Variants in MYT1L observed in about 807,000 individuals in gnomAD.
The protein encoded by MYT1L is myelin transcription factor 1-like protein.
Under a neutral mutation model 126.7 loss-of-function variants are expected in MYT1L, and 12 were observed. That is an observed-to-expected ratio of 0.09 (90% CI 0.06 to 0.15). MYT1L has a LOEUF of 0.15. Ranked by LOEUF, MYT1L falls within the 10% of genes least tolerant of loss-of-function variation. MYT1L has a pLI of 1.00. For missense variants in MYT1L, 979 were observed against 1,585.2 expected, an observed-to-expected ratio of 0.62 and a Z score of 6.49; for synonymous variants, 541 against 604.2, an observed-to-expected ratio of 0.90 and a Z score of 1.53.
intron 8 of MYT1L, among the ~76,000 whole-genome samples, chr2:1,970,992 C>T (rs2059771877): frequency 6.6e-6 from 1 of 152,078 alleles, no homozygotes; most frequent in African/African-American, 2.4e-5. Context: ...TAACTATGTT[C>T]CTTCTCCTTG....
At chr2:2,327,897 A>G (rs991851852) in intron 1 of MYT1L, among the ~76,000 whole-genome samples, 2 of 152,222 alleles carry the variant, frequency 1.3e-5, no homozygotes, top group Non-Finnish European at 2.9e-5. Flanking sequence ...ACTAAAATAT[A>G]TAACAAGTAA....
intron 2 of MYT1L, among the ~76,000 whole-genome samples, chr2:2,274,434 T>C (rs2095321684): frequency 6.6e-6 from 1 of 152,064 alleles, no homozygotes; most frequent in African/African-American, 2.4e-5. Context: ...GTCATTGGAA[T>C]TTACTTACAA....
intron 9 of MYT1L, among the ~76,000 whole-genome samples, chr2:1,926,591 C>T (rs2054260959): frequency 6.6e-6 from 1 of 152,200 alleles, no homozygotes; most frequent in Non-Finnish European, 1.5e-5. Flanking sequence ...GAGATGGAGT[C>T]TCACTCTGTC....
intron 3 of MYT1L, among the ~76,000 whole-genome samples, chr2:2,126,151 T>C (rs1344472744): frequency 1.3e-5 from 2 of 152,164 alleles, no homozygotes; most frequent in Non-Finnish European, 2.9e-5. Flanking sequence ...AGGGTCCCTG[T>C]GTTTACCTGG....
intron 1 of MYT1L, among the ~76,000 whole-genome samples, chr2:2,296,210 G>A (rs532007445): frequency 1.3e-5 from 2 of 152,288 alleles, no homozygotes; most frequent in East Asian, 3.9e-4. Context: ...ACTTCCTCCT[G>A]TCACTGCTCC....
In MYT1L at chr2:2,237,673, G is replaced by A. The variant is rs1862111; in HGVS notation, c.-421+46731C>T. Among the ~76,000 whole-genome samples, 11 of 152,246 alleles carry A rather than the reference G, an allele frequency of 7.2e-5. No homozygotes were observed. The East Asian group carries it at 1.4e-3, about 19-fold the overall frequency. On this transcript the variant is annotated intron_variant, in intron 2 of 24. Coordinates refer to ENST00000647738, the MANE Select transcript of MYT1L (RefSeq NM_001303052.2). ...GCCTGGAGCACTCAGTGGGTGCCAGGCCCCTTTACATAAACCACTTAAGTC... is the reference window on the plus strand; with the variant it reads ...GCCTGGAGCACTCAGTGGGTGCCAGACCCCTTTACATAAACCACTTAAGTC...
chr2:2,274,877 G>T (rs1409657936), intron 2 of MYT1L, among the ~76,000 whole-genome samples: 9 of 152,104 alleles, frequency 5.9e-5, no homozygotes, highest in Non-Finnish European at 1.2e-4. Context: ...CCTGGTCCAG[G>T]GCTCATTCCA....
rs546243151 is a variant in MYT1L at position 2,093,473 on chromosome 2, C to T, written c.-303-39350G>A. 3.3e-5 allele frequency among the ~76,000 whole-genome samples: 5 copies of T among 150,786 alleles called. No homozygotes were observed. In the East Asian group the frequency reaches 9.7e-4, roughly 29 times the overall value. The stretch of plus-strand genomic sequence containing the variant: ...GAGCATTTTTTCATGTGTCTTTTGG[C>T]TGCATAAATGTCTTCTTTTGAGAAG... On this transcript the variant is annotated intron_variant, in intron 3 of 24. Coordinates refer to ENST00000647738, the MANE Select transcript of MYT1L (RefSeq NM_001303052.2).
chr2:2,296,721 C>T (rs1319689271), intron 1 of MYT1L, among the ~76,000 whole-genome samples: 2 of 152,146 alleles, frequency 1.3e-5, no homozygotes, highest in Non-Finnish European at 2.9e-5. Context: ...CCTCCTGCTG[C>T]CCCAGGGCAC....
chr2:2,212,325 A>C (rs1419461170), intron 2 of MYT1L, among the ~76,000 whole-genome samples: 2 of 151,450 alleles, frequency 1.3e-5, no homozygotes, highest in Non-Finnish European at 2.9e-5. Context: ...AATTTTAGGA[A>C]GATTGGGTGG....
chr2:1,913,945 TCAA>T, intron 11 of MYT1L, among the ~76,000 whole-genome samples: 1 of 152,220 alleles, frequency 6.6e-6, no homozygotes, highest in South Asian at 2.1e-4. Flanking sequence ...TCTCTCGGCG[TCAA>T]CAAGAGGCTT....
At chr2:2,149,785 C>T (rs1353607374) in intron 3 of MYT1L, among the ~76,000 whole-genome samples, 1 of 151,796 alleles carries the variant, frequency 6.6e-6, no homozygotes, top group Non-Finnish European at 1.5e-5. Flanking sequence ...GGCTGCCATC[C>T]CAGGTCTGCA....
At chr2:2,229,427 A>G (rs954947660) in intron 2 of MYT1L, among the ~76,000 whole-genome samples, 1 of 151,912 alleles carries the variant, frequency 6.6e-6, no homozygotes, top group Non-Finnish European at 1.5e-5. Flanking sequence ...AGATAGTCTC[A>G]TAGGATTTCT....
intron 2 of MYT1L, among the ~76,000 whole-genome samples, chr2:2,183,288 T>G (rs548000551): frequency 1.3e-5 from 2 of 151,700 alleles, no homozygotes; most frequent in African/African-American, 4.8e-5. Flanking sequence ...CTGGGGGAAG[T>G]AGACCACGAG....
rs1222677520 is a variant in MYT1L at position 2,228,973 on chromosome 2, T to C, written c.-421+55431A>G. On this transcript the variant is annotated intron_variant, in intron 2 of 24. Transcript: ENST00000647738. This position sits in a 1 kb window ranked among gnomAD's most constrained non-coding sequence, Gnocchi z 5.9. ...AGTGAAACACGGGGGTCTTCCAACG[T>C]ATCCAGCTGAGCTCCTGGCTCCGAT... Among the ~76,000 whole-genome samples, 5 of 152,112 alleles carry C rather than the reference T, an allele frequency of 3.3e-5. No individual in the cohort carries two copies. The highest frequency in any genetic ancestry group is 1.3e-4 in the Admixed American group (2 of 15,270).
chr2:2,055,220 T>C (rs971444776), intron 3 of MYT1L, among the ~76,000 whole-genome samples: 14 of 152,300 alleles, frequency 9.2e-5, no homozygotes, highest in African/African-American at 2.9e-4. Context: ...TACAGAAGCA[T>C]ACGGGATGTA....
intron 19 of MYT1L, among the ~76,000 whole-genome samples, chr2:1,847,098 C>T (rs559275913): frequency 5.6e-4 from 86 of 152,236 alleles, no homozygotes; most frequent in African/African-American, 2.0e-3. Context: ...CTGGAGGCTT[C>T]GATTTTGCGC....
intron 2 of MYT1L, among the ~76,000 whole-genome samples, chr2:2,261,131 G>A (rs1041854033): frequency 3.6e-5 from 5 of 139,666 alleles, no homozygotes; most frequent in African/African-American, 1.3e-4. Context: ...GGGTGCATGT[G>A]TGTGTGAGTG....
intron 21 of MYT1L, among the ~76,000 whole-genome samples, chr2:1,817,378 G>T (rs1317522344): frequency 6.6e-6 from 1 of 152,174 alleles, no homozygotes; most frequent in African/African-American, 2.4e-5. Flanking sequence ...CCCACACTGC[G>T]GTTCAGCACC....
Sources: allele counts gnomAD v4.1 joint callset (sites outside exome capture counted in the v4.1 genomes callset), GRCh38; gene constraint gnomAD v4.1.1; non-coding constraint Gnocchi (gnomAD v3.1); transcripts MANE v1.5; gene names NCBI Gene and HGNC (gene_info 2026-07-23, HGNC 2026-07-21).